Variants in MCMBP observed in about 807,000 individuals in gnomAD.
MCMBP encodes minichromosome maintenance complex binding protein.
In MCMBP, 31 loss-of-function variants were observed where a neutral mutation model predicts 81.3. That is an observed-to-expected ratio of 0.38 (90% CI 0.29 to 0.51). The LOEUF is 0.51. Ranked by LOEUF, MCMBP falls within the 20% of genes least tolerant of loss-of-function variation. The pLI is 0.87. For synonymous variants in MCMBP, 267 were observed against 275.9 expected (o/e 0.97, Z 0.32); for missense variants, 645 against 772.1 (o/e 0.84, Z 1.95).
intron 11 of MCMBP, among the ~76,000 whole-genome samples, chr10:119,839,681 G>T (rs1852366875): frequency 6.6e-6 from 1 of 152,130 alleles, no homozygotes; most frequent in Admixed American, 6.5e-5. Context: ...CTTTCAATGT[G>T]CGAGACTAAT....
intron 1 of MCMBP, among the ~76,000 whole-genome samples, chr10:119,860,450 C>T (rs1169537549): frequency 6.6e-6 from 1 of 152,156 alleles, no homozygotes. Flanking sequence ...ACAAATATTT[C>T]AGCGTGTCTC....
chr10:119,831,919 G>C, intron 15 of MCMBP, 93 bp downstream of exon 15: 1 of 1,281,150 alleles, frequency 7.8e-7, no homozygotes, highest in East Asian at 2.4e-5. Context: ...GTTCATTTCC[G>C]TTTTTAGAAT....
intron 9 of MCMBP, 29 bp from the exon 10 acceptor site, chr10:119,842,624 GAC>G: frequency 1.2e-6 from 2 of 1,606,140 alleles, no homozygotes; most frequent in Middle Eastern, 1.7e-4. Context: ...CCTGAGTCAG[GAC>G]ACACACTCCA....
At chr10:119,841,834 G>A (rs17618944) in intron 10 of MCMBP, among the ~76,000 whole-genome samples, 16,577 of 152,276 alleles carry the variant, frequency 0.11, 958 homozygotes, top group South Asian at 0.17. Context: ...TGACGTGGGC[G>A]CCTTGGGATG....
chr10:119,835,338 T>C (rs1271047626), intron 14 of MCMBP, among the ~76,000 whole-genome samples: 1 of 152,176 alleles, frequency 6.6e-6, no homozygotes, highest in African/African-American at 2.4e-5. Flanking sequence ...AAAATAACTT[T>C]AAGAAACTTC....
In MCMBP at chr10:119,829,859, A is replaced by AATGT. The variant is rs1851932525; in HGVS notation, c.*1611_*1614dup. The AATGT allele has an allele frequency of 6.6e-6, 1 of 152,288 alleles. No homozygotes were observed. Among genetic ancestry groups the AATGT allele is most frequent in the South Asian group, 2.1e-4 (1 of 4,832 alleles). 9.4% of individuals were successfully genotyped at this position (152,288 alleles called of 1,614,324 possible). A position where few individuals can be genotyped will look rare whatever the true frequency, so the allele number is the denominator to read the frequency against. Reference sequence around the variant, plus strand: ...AGGGAACTTTTCTGCAAGACCAAGCAATGTATGTATTTTTCTTTGGTAAAT... The same window carrying AATGT: ...AGGGAACTTTTCTGCAAGACCAAGCAATGTATGTATGTATTTTTCTTTGGTAAAT... On this transcript the variant is annotated 3_prime_UTR_variant, in exon 16 of 16. Coordinates refer to ENST00000369077, the MANE Select transcript of MCMBP (RefSeq NM_001256378.2).
At chr10:119,847,346 T>G (rs1178825876) in intron 8 of MCMBP, among the ~76,000 whole-genome samples, 1 of 152,174 alleles carries the variant, frequency 6.6e-6, no homozygotes, top group Non-Finnish European at 1.5e-5. Flanking sequence ...TCTAATTATA[T>G]ATGAGAAAGT....
Position 119,853,192 on chromosome 10 carries a change from G to T in MCMBP, c.432C>A (p.Ala144=), listed in dbSNP as rs1852894901. The change falls in exon 6 of 16, where the codon GCC becomes GCA. Residue 144 remains alanine, a splice_region_variant and synonymous_variant. Coordinates refer to ENST00000369077, the MANE Select transcript of MCMBP (RefSeq NM_001256378.2). ...VPGESTWVKE[A]YVNANQARVS... ...CTCGAGCTTGGTTTGCATTAACATA[G>T]GCGTTAAACGAAAAGTTAAGAAAAG... 1.2e-6 allele frequency: 2 copies of T among 1,611,528 alleles called. No homozygotes were observed. The highest frequency in any genetic ancestry group is 2.7e-5 in the African/African-American group (2 of 74,850).
In MCMBP at chr10:119,842,530, C is replaced by T. The variant is rs952778784; in HGVS notation, c.1066G>A (p.Ala356Thr). Residue 356 changes from alanine to threonine, a missense_variant, in exon 10 of 16, where the codon GCC becomes ACC. Coordinates refer to ENST00000369077, the MANE Select transcript of MCMBP (RefSeq NM_001256378.2). Reference protein sequence around the residue: ...RAELLGFLTHALLGDSLAAEY... With the variant: ...RAELLGFLTHTLLGDSLAAEY... ...GCAGCCAAACTATCCCCCAGAAGGG[C>T]ATGAGTAAGGAACCCAAGAAGTTCT... is the stretch of plus-strand genomic sequence containing the variant. 1 of 1,613,932 alleles carries T rather than the reference C, an allele frequency of 6.2e-7. No individual in the cohort carries two copies. The highest frequency in any genetic ancestry group is 8.5e-7 in the Non-Finnish European group (1 of 1,179,864).
At chr10:119,831,672 A>G in intron 15 of MCMBP, 72 bp from the exon 16 acceptor site, 2 of 1,546,160 alleles carry the variant, frequency 1.3e-6, no homozygotes, top group East Asian at 2.3e-5. Flanking sequence ...TTTAAGACCT[A>G]GGAATACTTT....
intron 8 of MCMBP, 152 bp from the exon 9 acceptor site, chr10:119,843,578 A>G (rs1430121457): frequency 6.1e-6 from 4 of 658,576 alleles, no homozygotes; most frequent in African/African-American, 1.8e-5. Context: ...CTCTCATTCT[A>G]AAGTGTTACA....
intron 5 of MCMBP, 129 bp from the exon 6 acceptor site, chr10:119,853,323 A>C (rs1852898864): frequency 2.2e-6 from 2 of 918,274 alleles, no homozygotes; most frequent in Non-Finnish European, 3.3e-6. Context: ...TCATAAAAGG[A>C]GGCTAGACTT....
chr10:119,872,725 AGCCGCGGGGCGCGGGCCTCCCGC>A lies in MCMBP; in HGVS notation c.-164_-142del, dbSNP rs1853740570. 1 of 262,960 alleles carries A rather than the reference AGCCGCGGGGCGCGGGCCTCCCGC, an allele frequency of 3.8e-6. No homozygotes were observed. The highest frequency in any genetic ancestry group is 1.2e-4 in the East Asian group (1 of 8,278). 16.3% of individuals were successfully genotyped at this position (262,960 alleles called of 1,614,324 possible). On this transcript the variant is annotated 5_prime_UTR_variant, in exon 1 of 16. Transcript: ENST00000369077. ...CGCTCGCGCCCTCCCACGCACAGCG[AGCCGCGGGGCGCGGGCCTCCCGC>A]GCCTCAGGGAGCGGCGGCTGCGGTG...
chr10:119,859,895 A>AAT lies in MCMBP; in HGVS notation c.59-13_59-12dup. The AAT allele has an allele frequency of 6.3e-7, 1 of 1,596,760 alleles. No individual in the cohort carries two copies. Among genetic ancestry groups the AAT allele is most frequent in the South Asian group, 1.1e-5 (1 of 90,430 alleles). On this transcript the variant is annotated splice_polypyrimidine_tract_variant and intron_variant, in intron 1 of 15. Transcript: ENST00000369077. ...TAACTCCATTTTGGGCTGAAAGAGA[A>AAT]ATATACTTTTCAAAGCTAATGTACA...
At chr10:119,849,141 T>A (rs2134367883) in intron 7 of MCMBP, among the ~76,000 whole-genome samples, 1 of 152,220 alleles carries the variant, frequency 6.6e-6, no homozygotes, top group Middle Eastern at 3.4e-3. Flanking sequence ...TTGCTGGCTA[T>A]GAATATGGAA....
intron 1 of MCMBP, among the ~76,000 whole-genome samples, chr10:119,861,225 G>A (rs1006612345): frequency 2.6e-5 from 4 of 152,164 alleles, no homozygotes; most frequent in Non-Finnish European, 5.9e-5. Context: ...TTCCAAACAC[G>A]TTTACTTAAC....
At chr10:119,860,448 T>C (rs1356386248) in intron 1 of MCMBP, among the ~76,000 whole-genome samples, 1 of 152,176 alleles carries the variant, frequency 6.6e-6, no homozygotes, top group Non-Finnish European at 1.5e-5. Context: ...CTACAAATAT[T>C]TCAGCGTGTC....
intron 10 of MCMBP, among the ~76,000 whole-genome samples, chr10:119,841,436 A>T (rs1852428312): frequency 6.6e-6 from 1 of 152,250 alleles, no homozygotes; most frequent in Non-Finnish European, 1.5e-5. Flanking sequence ...AATAGAGAAA[A>T]GCTAGGAAAA....
chr10:119,870,044 T>A (rs897350925), intron 1 of MCMBP, among the ~76,000 whole-genome samples: 1 of 152,374 alleles, frequency 6.6e-6, no homozygotes, highest in East Asian at 1.9e-4. Context: ...TAGCCACACA[T>A]GGCTACTGCC....
Sources: gnomAD v4.1 joint callset for allele counts (sites outside exome capture counted in the v4.1 genomes callset) on GRCh38, gnomAD v4.1.1 for gene constraint, MANE v1.5 for transcripts, NCBI Gene and HGNC (gene_info 2026-07-23, HGNC 2026-07-21) for gene names.